The following ATP8B4 variants were observed in gnomAD, a reference collection of about 807,000 sequenced individuals.
ATP8B4 encodes the protein ATPase phospholipid transporting 8B4 (putative), also known as probable phospholipid-transporting ATPase IM.
In ATP8B4, 133 loss-of-function variants were observed where a neutral mutation model predicts 145.6. The observed-to-expected ratio is 0.91, with a 90% CI of 0.79 to 1.05. ATP8B4 has a LOEUF of 1.05. Among genes scored for constraint, ATP8B4 ranks in the 50% least tolerant of loss-of-function variants. The probability of loss-of-function intolerance (pLI) is 0.00; values close to 1 mark genes in which losing one functional copy is unlikely to be tolerated. For missense variants in ATP8B4, 1,458 were observed against 1,425.2 expected (o/e 1.02, Z -0.37); for synonymous variants, 507 against 492.9 (o/e 1.03, Z -0.38).
At chr15:50,137,777 T>G (rs62023189) in intron 1 of ATP8B4, among the ~76,000 whole-genome samples, 1 of 151,858 alleles carries the variant, frequency 6.6e-6, no homozygotes, top group Non-Finnish European at 1.5e-5. Context: ...GCTGGGAGGG[T>G]CGTCATCTTG....
chr15:50,146,851 C>A (rs559346951), intron 1 of ATP8B4, among the ~76,000 whole-genome samples: 1 of 151,948 alleles, frequency 6.6e-6, no homozygotes, highest in South Asian at 2.1e-4. Context: ...AGCCTTGAAT[C>A]CCAGGTTCCA....
At chr15:49,940,240 T>C (rs2042058731) in intron 14 of ATP8B4, among the ~76,000 whole-genome samples, 1 of 152,186 alleles carries the variant, frequency 6.6e-6, no homozygotes. Flanking sequence ...ATCATGCCCT[T>C]TGTAGCCACA....
intron 23 of ATP8B4, among the ~76,000 whole-genome samples, chr15:49,892,805 C>A (rs1300655200): frequency 1.3e-5 from 2 of 152,170 alleles, no homozygotes; most frequent in Non-Finnish European, 2.9e-5. Flanking sequence ...AATGGGGACT[C>A]TAACATTCCC....
At chr15:49,910,166 A>G (rs571246751) in intron 20 of ATP8B4, among the ~76,000 whole-genome samples, 1 of 152,310 alleles carries the variant, frequency 6.6e-6, no homozygotes, top group African/African-American at 2.4e-5. Flanking sequence ...GAAGAACCAA[A>G]CAGAAATCCT....
intron 13 of ATP8B4, 118 bp downstream of exon 13, chr15:49,972,464 G>A: frequency 1.1e-6 from 1 of 871,140 alleles, no homozygotes; most frequent in Non-Finnish European, 1.7e-6. Flanking sequence ...TGCTGACGGT[G>A]CCCATATTAA....
At chr15:50,085,982 TATATC>T (rs2054978759) in intron 2 of ATP8B4, among the ~76,000 whole-genome samples, 3 of 108,738 alleles carry the variant, frequency 2.8e-5, no homozygotes, top group African/African-American at 1.2e-4. Flanking sequence ...ATATATCAAA[TATATC>T]ATATATATTT....
At position 49,934,045 on chromosome 15, in the gene ATP8B4, G is replaced by T; in HGVS notation, c.1425C>A (p.His475Gln). 6.2e-7 allele frequency: 1 copy of T among 1,612,176 alleles called. No homozygotes were observed. Among genetic ancestry groups the T allele is most frequent in the Non-Finnish European group, 8.5e-7 (1 of 1,178,928 alleles). Residue 475 changes from histidine (H) to glutamine (Q), a missense_variant, in exon 15 of 28, where the codon CAC becomes CAA. His to Gln is a conservative substitution (Grantham distance 24). Coordinates refer to ENST00000284509, the MANE Select transcript of ATP8B4 (RefSeq NM_024837.4). Reference sequence around the variant, plus strand: ...CGCTATTCTCTTCTGACATTACAGTGTGGCAGAGAGCAAGTAACCTAAGGA... The same window carrying T: ...CGCTATTCTCTTCTGACATTACAGTTTGGCAGAGAGCAAGTAACCTAAGGA... Reference protein sequence around the residue: ...HEFLRLLALCHTVMSEENSAG... With the variant: ...HEFLRLLALCQTVMSEENSAG...
intron 25 of ATP8B4, among the ~76,000 whole-genome samples, chr15:49,868,661 A>G (rs1345071198): frequency 6.6e-6 from 1 of 152,166 alleles, no homozygotes; most frequent in Non-Finnish European, 1.5e-5. Flanking sequence ...TTAACATGTA[A>G]GAGTTGGGGA....
intron 10 of ATP8B4, among the ~76,000 whole-genome samples, chr15:49,984,015 T>C (rs998118158): frequency 4.6e-5 from 7 of 152,368 alleles, no homozygotes; most frequent in African/African-American, 1.4e-4. Flanking sequence ...AGTAGCATAA[T>C]GCCCAGCATA....
chr15:50,056,625 T>A (rs1567277801), intron 3 of ATP8B4, among the ~76,000 whole-genome samples: 1 of 151,746 alleles, frequency 6.6e-6, no homozygotes, highest in Non-Finnish European at 1.5e-5. Context: ...AAAAAGAACT[T>A]CATGTATATT....
At chr15:49,964,866 G>T (rs1051931907) in intron 13 of ATP8B4, among the ~76,000 whole-genome samples, 2 of 152,120 alleles carry the variant, frequency 1.3e-5, no homozygotes, top group Non-Finnish European at 2.9e-5. Context: ...TCCTAGAAGT[G>T]ATTGTATTAT....
intron 1 of ATP8B4, among the ~76,000 whole-genome samples, chr15:50,155,497 T>C (rs938901602): frequency 1.3e-3 from 191 of 152,294 alleles, no homozygotes; most frequent in African/African-American, 4.5e-3. Flanking sequence ...TTTTTATTTT[T>C]ATTTTAACAA....
intron 6 of ATP8B4, among the ~76,000 whole-genome samples, chr15:50,017,504 C>A (rs1358616339): frequency 2.0e-5 from 3 of 152,062 alleles, no homozygotes; most frequent in Non-Finnish European, 4.4e-5. Context: ...AAAACAAATA[C>A]CCCAAAAGAA....
intron 1 of ATP8B4, among the ~76,000 whole-genome samples, chr15:50,173,159 G>T (rs1461539218): frequency 6.6e-6 from 1 of 152,030 alleles, no homozygotes; most frequent in African/African-American, 2.4e-5. Flanking sequence ...GAAGTGAGGA[G>T]CCCCTCTGCC....
At position 50,006,286 on chromosome 15, in the gene ATP8B4, A is replaced by C. The variant is rs939774822; in HGVS notation, c.436-4063T>G. On this transcript the variant is annotated intron_variant, in intron 7 of 27. Transcript: ENST00000284509. ...AACAGGCAGGCTGTTCCTCTAGTCA[A>C]AAAAAAAAAAAATCCTTGCCTGAAT... is the stretch of plus-strand genomic sequence containing the variant. Among the ~76,000 whole-genome samples, 3 of 71,430 alleles carry C rather than the reference A, an allele frequency of 4.2e-5. No individual in the cohort carries two copies. In the African/African-American group the frequency reaches 5.4e-4, roughly 13 times the overall value. The allele number at this position is 71,430 out of a possible 152,430, so 46.9% of individuals were successfully genotyped here. A position where few individuals can be genotyped will look rare whatever the true frequency, so the allele number is the denominator to read the frequency against.
intron 3 of ATP8B4, among the ~76,000 whole-genome samples, chr15:50,049,921 A>AT (rs1436893149): frequency 6.6e-6 from 1 of 151,746 alleles, no homozygotes; most frequent in Non-Finnish European, 1.5e-5. Flanking sequence ...GGTATTTAGC[A>AT]TTTTTTCATA....
At chr15:50,127,147 G>T (rs1191631897) in intron 1 of ATP8B4, among the ~76,000 whole-genome samples, 1 of 152,094 alleles carries the variant, frequency 6.6e-6, no homozygotes, top group Non-Finnish European at 1.5e-5. Flanking sequence ...CAAACCAATA[G>T]CCTCCATGTA....
intron 2 of ATP8B4, among the ~76,000 whole-genome samples, chr15:50,104,306 G>A (rs1024439209): frequency 1.1e-4 from 16 of 151,768 alleles, no homozygotes; most frequent in African/African-American, 1.9e-4. Flanking sequence ...CAGTGTAGGA[G>A]AAAAATCTTC....
chr15:49,989,225 A>G (rs1215970995), intron 9 of ATP8B4, among the ~76,000 whole-genome samples: 8 of 152,228 alleles, frequency 5.3e-5, no homozygotes, highest in Non-Finnish European at 1.2e-4. Flanking sequence ...ACTATGTTGT[A>G]GATGAGGAGA....
Sources: allele counts gnomAD v4.1 joint callset (sites outside exome capture counted in the v4.1 genomes callset), GRCh38; gene constraint gnomAD v4.1.1; transcripts MANE v1.5; gene names NCBI Gene and HGNC (gene_info 2026-07-23, HGNC 2026-07-21).